ABCC2: variants seen among roughly 807,000 people sequenced by gnomAD.
The protein encoded by ABCC2 is ATP-binding cassette sub-family C member 2.
A neutral mutation model predicts 173.4 loss-of-function variants in ABCC2; 157 were observed. The ratio of observed to expected loss-of-function variants is 0.91; its 90% CI spans 0.80 to 1.03. ABCC2 has a LOEUF of 1.03. Ranked by LOEUF, ABCC2 falls within the 50% of genes least tolerant of loss-of-function variation. ABCC2 has a pLI of 0.00. For missense variants in ABCC2, 1,822 were observed against 1,852.3 expected, an observed-to-expected ratio of 0.98 and a Z score of 0.30; for synonymous variants, 657 against 693.5, an observed-to-expected ratio of 0.95 and a Z score of 0.83.
At chr10:99,822,980 T>C (rs1441250474) in intron 19 of ABCC2, among the ~76,000 whole-genome samples, 2 of 151,862 alleles carry the variant, frequency 1.3e-5, no homozygotes, top group Non-Finnish European at 2.9e-5. Context: ...TAAATGTTTT[T>C]TTAACATGGG....
intron 29 of ABCC2, 27 bp downstream of exon 29, chr10:99,845,809 A>C (rs930258951): frequency 6.3e-7 from 1 of 1,598,166 alleles, no homozygotes; most frequent in Non-Finnish European, 8.5e-7. Context: ...ACTCGGGCAC[A>C]TGCCGTGGGG....
chr10:99,806,087 G>C (rs1400738309), intron 11 of ABCC2, among the ~76,000 whole-genome samples: 113 of 149,970 alleles, frequency 7.5e-4, no homozygotes, highest in African/African-American at 2.7e-3. Flanking sequence ...CTGTGTGTGT[G>C]TGTGTGTGTG....
rs2037862524 is a variant in ABCC2, at chr10:99,794,490, A to G, written c.632+22A>G. 3 of 1,598,546 alleles carry G rather than the reference A, an allele frequency of 1.9e-6. No homozygotes were observed. The East Asian group carries it at 6.7e-5, about 36-fold the overall frequency. On this transcript the variant is annotated intron_variant, in intron 6 of 31. Transcript: ENST00000647814. ...ACAGGTAGGAAAGCCTGGAGTATGGATTGGCTGTATCCTTACTCTCTCACT... is the reference window on the plus strand; with the variant it reads ...ACAGGTAGGAAAGCCTGGAGTATGGGTTGGCTGTATCCTTACTCTCTCACT...
chr10:99,814,314 T>TATAC lies in ABCC2; in HGVS notation c.2094+1171_2094+1172insTACA, dbSNP rs1168220112. ...ACACGTATGTATACACACATGTATA[T>TATAC]ACACACGTATGTATACACACATGTA... On this transcript the variant is annotated intron_variant, in intron 16 of 31. Transcript: ENST00000647814. Among the ~76,000 whole-genome samples, 103 of 60,604 alleles carry TATAC rather than the reference T, an allele frequency of 1.7e-3. 6 individuals carry two copies. Among genetic ancestry groups the TATAC allele is most frequent in the Admixed American group, 0.014 (86 of 6,232 alleles). The allele number at this position is 60,604 out of a possible 152,430, so 39.8% of individuals were successfully genotyped here. A position where few individuals can be genotyped will look rare whatever the true frequency, so the allele number is the denominator to read the frequency against.
intron 28 of ABCC2, 77 bp downstream of exon 28, chr10:99,844,542 G>A: frequency 6.3e-7 from 1 of 1,578,980 alleles, no homozygotes; most frequent in Non-Finnish European, 8.6e-7. Context: ...GAGCAGCTGG[G>A]CCCTAAGCCT....
At chr10:99,826,091 A>G (rs2038634079) in intron 19 of ABCC2, among the ~76,000 whole-genome samples, 1 of 152,106 alleles carries the variant, frequency 6.6e-6, no homozygotes, top group Non-Finnish European at 1.5e-5. Flanking sequence ...GTGGCTCTCT[A>G]CCTGTTGTAG....
intron 26 of ABCC2, among the ~76,000 whole-genome samples, chr10:99,842,743 G>C (rs1193200779): frequency 6.6e-6 from 1 of 152,148 alleles, no homozygotes; most frequent in South Asian, 2.1e-4. Context: ...TAATAGTGCT[G>C]TCTTCATTAG....
chr10:99,794,128 T>A (rs2037855527), intron 5 of ABCC2, 129 bp downstream of exon 5: 8 of 858,568 alleles, frequency 9.3e-6, no homozygotes. Flanking sequence ...GACCATTTTA[T>A]GACAAGGAAA....
rs886042227 is a variant in ABCC2 at position 99,800,537 on chromosome 10, G to A, written c.1183G>A (p.Ala395Thr). 1.2e-6 allele frequency: 2 copies of A among 1,614,044 alleles called. No homozygotes were observed. The highest frequency in any genetic ancestry group is 2.7e-5 in the African/African-American group (2 of 74,912). Residue 395 changes from alanine (A) to threonine (T), a missense_variant, in exon 9 of 32, where the codon GCT becomes ACT. Physicochemically the swap from Ala to Thr is moderately conservative, Grantham distance 58 (BLOSUM62 0). Coordinates refer to ENST00000647814, the MANE Select transcript of ABCC2 (RefSeq NM_000392.5). ...CFKLGVKVRT[A>T]IMASVYKKAL... ...CAAGCTGGGTGTAAAAGTACGGACA[G>A]CTATCATGGCTTCTGTATATAAGAA...
chr10:99,848,950 C>T (rs1035920489), intron 30 of ABCC2, among the ~76,000 whole-genome samples: 4 of 152,196 alleles, frequency 2.6e-5, no homozygotes, highest in African/African-American at 9.7e-5. Flanking sequence ...ACCGGCCGGG[C>T]GCAGTGGCTC....
intron 1 of ABCC2, among the ~76,000 whole-genome samples, chr10:99,783,325 G>T (rs2037647820): frequency 6.6e-6 from 1 of 152,186 alleles, no homozygotes; most frequent in Non-Finnish European, 1.5e-5. Context: ...GTCTAGGGAT[G>T]CAACTTTGGG....
chr10:99,814,602 C>T (rs200512515), intron 16 of ABCC2, among the ~76,000 whole-genome samples: 1 of 83,418 alleles, frequency 1.2e-5, no homozygotes. Context: ...TATACACACA[C>T]ATATGTGTAT....
chr10:99,799,501 T>A, intron 8 of ABCC2, 131 bp downstream of exon 8: 3 of 1,093,642 alleles, frequency 2.7e-6, no homozygotes, highest in Non-Finnish European at 4.2e-6. Flanking sequence ...TCTTCCACCT[T>A]AACCTTACAG....
intron 14 of ABCC2, among the ~76,000 whole-genome samples, chr10:99,811,109 T>A (rs563020359): frequency 6.6e-6 from 1 of 151,880 alleles, no homozygotes; most frequent in East Asian, 1.9e-4. Flanking sequence ...GATGGGCAGA[T>A]TGCTTGAGTC....
chr10:99,784,651 G>A lies in ABCC2; in HGVS notation c.77G>A (p.Cys26Tyr), dbSNP rs150765440. 11 of 1,614,190 alleles carry A rather than the reference G, an allele frequency of 6.8e-6. No homozygotes were observed. Among genetic ancestry groups the A allele is most frequent in the Admixed American group, 3.3e-5 (2 of 60,026 alleles). ...AGTCCGGAGGCAGACCTGCCACTTT[G>A]TTTTGAGCAAACTGTTCTGGTGTGG... Reference protein sequence around the residue: ...LDSPEADLPLCFEQTVLVWIP... With the variant: ...LDSPEADLPLYFEQTVLVWIP... The change falls in exon 2 of 32, where the codon TGT becomes TAT. Residue 26 changes from cysteine (C) to tyrosine (Y), a missense_variant. Transcript: ENST00000647814.
At chr10:99,814,141 AC>A (rs2038275368) in intron 16 of ABCC2, among the ~76,000 whole-genome samples, 1 of 45,030 alleles carries the variant, frequency 2.2e-5, no homozygotes. Flanking sequence ...GTGTATATAT[AC>A]ACACATGTAT....
chr10:99,811,653 G>T (rs1260336688), intron 15 of ABCC2, 51 bp downstream of exon 15: 1 of 1,597,058 alleles, frequency 6.3e-7, no homozygotes, highest in South Asian at 1.1e-5. Context: ...TCACTGCCTG[G>T]CCTATTCTCA....
chr10:99,795,843 T>A (rs2037903361), intron 6 of ABCC2, among the ~76,000 whole-genome samples: 1 of 152,074 alleles, frequency 6.6e-6, no homozygotes, highest in Non-Finnish European at 1.5e-5. Flanking sequence ...CTATTACAAA[T>A]AACAATATAA....
In ABCC2 at chr10:99,832,036, A is replaced by G. The variant is rs1433361198; in HGVS notation, c.3163A>G (p.Ile1055Val). Residue 1055 changes from isoleucine to valine, a missense_variant, in exon 23 of 32, where the codon ATC becomes GTC. Coordinates refer to ENST00000647814, the MANE Select transcript of ABCC2 (RefSeq NM_000392.5). ...CTTTGGTTTCGTCCATGCATCAAAT[A>G]TCTTGCACAAGCAACTGCTGAACAA... is the stretch of plus-strand genomic sequence containing the variant. ...SAFGFVHASN[I>V]LHKQLLNNIL... 5.6e-6 allele frequency: 9 copies of G among 1,614,132 alleles called. No individual in the cohort carries two copies. Among genetic ancestry groups the G allele is most frequent in the Non-Finnish European group, 8.5e-7 (1 of 1,180,048 alleles).
Sources: allele counts gnomAD v4.1 joint callset (sites outside exome capture counted in the v4.1 genomes callset), GRCh38; gene constraint gnomAD v4.1.1; transcripts MANE v1.5; gene names NCBI Gene and HGNC (gene_info 2026-07-23, HGNC 2026-07-21).